PDE6G: variants seen among roughly 807,000 people sequenced by gnomAD.
PDE6G encodes rod cGMP 3',5'-cyclic phosphodiesterase subunit gamma.
In PDE6G, 10 loss-of-function variants were observed where a neutral mutation model predicts 10.9. The observed-to-expected ratio is 0.91, with a 90% CI of 0.56 to 1.55. The LOEUF is 1.55. Among genes scored for constraint, PDE6G ranks in the 40% most tolerant of loss-of-function variants. PDE6G has a pLI of 0.00. For missense variants in PDE6G, 102 were observed against 110.1 expected (o/e 0.93, Z 0.33); for synonymous variants, 41 against 42.8 (o/e 0.96, Z 0.16).
At chr17:81,657,737 C>T (rs978007921), upstream of PDE6G, among the ~76,000 whole-genome samples, 3 of 151,642 alleles carry the variant, frequency 2.0e-5, no homozygotes, top group South Asian at 2.1e-4. Flanking sequence ...AAAAATTAGC[C>T]GGGCGTGGTG....
Position 81,651,012 on chromosome 17 carries a change from G to T in PDE6G, c.*62C>A. ...GAGGCATCTCCTCAACAGGAATCCT[G>T]AGCAGGGTTTAGAGCACAGTGGGCA... On this transcript the variant is annotated 3_prime_UTR_variant, in exon 4 of 4. Transcript: ENST00000331056. This position sits in a 1 kb window ranked among gnomAD's most constrained non-coding sequence, Gnocchi z 4.8. 7.9e-7 allele frequency: 1 copy of T among 1,259,544 alleles called. No homozygotes were observed. The highest frequency in any genetic ancestry group is 1.2e-6 in the Non-Finnish European group (1 of 857,114). 78.0% of individuals were successfully genotyped at this position (1,259,544 alleles called of 1,614,324 possible).
upstream of PDE6G, among the ~76,000 whole-genome samples, chr17:81,660,166 C>T (rs902243810): frequency 6.6e-6 from 1 of 152,232 alleles, no homozygotes; most frequent in East Asian, 1.9e-4. Context: ...TAATCCAGCA[C>T]TTTGGGAGGC....
chr17:81,655,542 T>TCCCCAGATGCCCTAAG (rs2036434621), intron 1 of PDE6G, among the ~76,000 whole-genome samples: 1 of 152,330 alleles, frequency 6.6e-6, no homozygotes, highest in South Asian at 2.1e-4. Flanking sequence ...CTACAGCCTC[T>TCCCCAGATGCCCTAAG]CCCCAGATGC....
At chr17:81,656,631 C>G (rs753644027), upstream of PDE6G, 5 of 710,762 alleles carry the variant, frequency 7.0e-6, no homozygotes, top group African/African-American at 8.7e-5. Flanking sequence ...TGTTGGGCCC[C>G]GAGGGGGGGC....
chr17:81,656,573 C>A, upstream of PDE6G: 1 of 759,174 alleles, frequency 1.3e-6, no homozygotes. Context: ...GCCTTTATCT[C>A]GCTGCTTCAT....
chr17:81,652,172 C>T (rs979838612), intron 2 of PDE6G, among the ~76,000 whole-genome samples: 3 of 150,698 alleles, frequency 2.0e-5, no homozygotes, highest in African/African-American at 7.3e-5. Context: ...AGTGAGTGGA[C>T]ACTCCTCGGT....
chr17:81,661,334 T>G (rs1598724749), upstream of PDE6G, among the ~76,000 whole-genome samples: 6 of 152,328 alleles, frequency 3.9e-5, no homozygotes, highest in East Asian at 1.2e-3. Context: ...TGCAGTGAGC[T>G]ATGCCTGATG....
intron 2 of PDE6G, among the ~76,000 whole-genome samples, chr17:81,652,074 T>C (rs927665519): frequency 6.6e-6 from 1 of 152,158 alleles, no homozygotes; most frequent in Non-Finnish European, 1.5e-5. Context: ...TGTTTGTGCA[T>C]AAGAGTGTCA....
At position 81,653,615 on chromosome 17, in the gene PDE6G, C is replaced by G. The variant is rs2036403148; in HGVS notation, c.-59-251G>C. On this transcript the variant is annotated intron_variant, in intron 1 of 3. Transcript: ENST00000331056. The surrounding 1 kb of genome is among the most constrained non-coding windows in gnomAD (Gnocchi z 5.2). Reference sequence around the variant, plus strand: ...GCCACACACAGCTCCGGACTCCCCCCTGTCCTGGCCTCCCTCGCCCCGGCC... The same window carrying G: ...GCCACACACAGCTCCGGACTCCCCCGTGTCCTGGCCTCCCTCGCCCCGGCC... 4.6e-6 allele frequency: 2 copies of G among 431,618 alleles called. No homozygotes were observed. The highest frequency in any genetic ancestry group is 8.7e-6 in the Non-Finnish European group (2 of 230,828). The allele number at this position is 431,618 out of a possible 1,614,324, so 26.7% of individuals were successfully genotyped here.
At position 81,651,688 on chromosome 17, in the gene PDE6G, G is replaced by A; in HGVS notation, c.147-3C>T. The A allele has an allele frequency of 6.2e-7, 1 of 1,613,994 alleles. No individual in the cohort carries two copies. Among genetic ancestry groups the A allele is most frequent in the Non-Finnish European group, 8.5e-7 (1 of 1,179,902 alleles). ...TTCCAGGGATGTCGTCCCCAAACCT[G>A]CAAGGACAGAGCACTCAGGGACATG... On this transcript the variant is annotated splice_region_variant and splice_polypyrimidine_tract_variant and intron_variant, in intron 2 of 3. Coordinates refer to ENST00000331056, the MANE Select transcript of PDE6G (RefSeq NM_002602.4). This position sits in a 1 kb window ranked among gnomAD's most constrained non-coding sequence, Gnocchi z 4.8.
chr17:81,650,669 CAG>C lies in PDE6G; in HGVS notation c.*403_*404del, dbSNP rs1568183780. The C allele has an allele frequency of 2.2e-6, 1 of 456,838 alleles. No individual in the cohort carries two copies. The highest frequency in any genetic ancestry group is 1.6e-5 in the South Asian group (1 of 64,496). The allele number at this position is 456,838 out of a possible 1,614,324, so 28.3% of individuals were successfully genotyped here. A position where few individuals can be genotyped will look rare whatever the true frequency, so the allele number is the denominator to read the frequency against. On this transcript the variant is annotated 3_prime_UTR_variant, in exon 4 of 4. Coordinates refer to ENST00000331056, the MANE Select transcript of PDE6G (RefSeq NM_002602.4). ...TCTCTGTATCCCCTTACAGGCAGGACAGGGGGCTGGGGTGCAGAAGCACTCTG... is the reference window on the plus strand; with the variant it reads ...TCTCTGTATCCCCTTACAGGCAGGACGGGGCTGGGGTGCAGAAGCACTCTG...
chr17:81,662,915 C>G (rs2036527029), intron 1 of PDE6G: 1 of 152,202 alleles, frequency 6.6e-6, no homozygotes. Context: ...AGGAGAATGG[C>G]TTTGAACCCA....
chr17:81,659,017 G>A (rs2144412140), upstream of PDE6G, among the ~76,000 whole-genome samples: 1 of 152,124 alleles, frequency 6.6e-6, no homozygotes, highest in South Asian at 2.1e-4. Context: ...CATGAGACTG[G>A]CAAAAATCAC....
At chr17:81,658,701 C>T (rs898411505), upstream of PDE6G, among the ~76,000 whole-genome samples, 3 of 151,706 alleles carry the variant, frequency 2.0e-5, no homozygotes, top group Non-Finnish European at 4.4e-5. Context: ...ATTAGCTGGG[C>T]GTGGTGGCAT....
chr17:81,661,677 T>A (rs949543529), intron 1 of PDE6G, among the ~76,000 whole-genome samples: 1 of 151,854 alleles, frequency 6.6e-6, no homozygotes, highest in Non-Finnish European at 1.5e-5. Flanking sequence ...CTGGCCAAGA[T>A]GGTGAAAGCC....
At chr17:81,656,558 C>T (rs753644112), upstream of PDE6G, 3 of 761,524 alleles carry the variant, frequency 3.9e-6, no homozygotes, top group Non-Finnish European at 4.8e-6. Context: ...AGGGTGCCAG[C>T]CCCGGCCTTT....
intron 1 of PDE6G, 63 bp downstream of exon 1, chr17:81,656,429 AC>A: frequency 1.4e-6 from 1 of 720,204 alleles, no homozygotes; most frequent in Non-Finnish European, 2.5e-6. Flanking sequence ...TGATGAGCAG[AC>A]CCCCACTGAC....
In PDE6G at chr17:81,651,226, C is replaced by G; in HGVS notation, c.188-76G>C. The G allele has an allele frequency of 9.4e-7, 1 of 1,058,664 alleles. No homozygotes were observed. The highest frequency in any genetic ancestry group is 1.8e-5 in the Admixed American group (1 of 55,152). 65.6% of individuals were successfully genotyped at this position (1,058,664 alleles called of 1,614,324 possible). A position where few individuals can be genotyped will look rare whatever the true frequency, so the allele number is the denominator to read the frequency against. On this transcript the variant is annotated intron_variant, in intron 3 of 3. Coordinates refer to ENST00000331056, the MANE Select transcript of PDE6G (RefSeq NM_002602.4). The surrounding 1 kb of genome is among the most constrained non-coding windows in gnomAD (Gnocchi z 4.8). ...CCCCCCATCCCCTGTGGCCCTGTTTCCCACAGCCCAGGTGTAGCCCTACAG... is the reference window on the plus strand; with the variant it reads ...CCCCCCATCCCCTGTGGCCCTGTTTGCCACAGCCCAGGTGTAGCCCTACAG...
chr17:81,657,539 G>C (rs2036462737), upstream of PDE6G, among the ~76,000 whole-genome samples: 1 of 152,196 alleles, frequency 6.6e-6, no homozygotes, highest in Non-Finnish European at 1.5e-5. Flanking sequence ...CAACCTCCAT[G>C]TACTGATTTA....
Sources: allele counts gnomAD v4.1 joint callset (sites outside exome capture counted in the v4.1 genomes callset), GRCh38; gene constraint gnomAD v4.1.1; non-coding constraint Gnocchi (gnomAD v3.1); transcripts MANE v1.5; gene names NCBI Gene and HGNC (gene_info 2026-07-23, HGNC 2026-07-21).